Variants in BZW2 observed in about 807,000 individuals in gnomAD.
The protein encoded by BZW2 is eIF5-mimic protein 1.
Under a neutral mutation model 53.2 loss-of-function variants are expected in BZW2, and 23 were observed. The observed-to-expected ratio is 0.43, with a 90% CI of 0.31 to 0.61. BZW2 has a LOEUF of 0.61. BZW2 is among the 20% of genes least tolerant of loss of function. The pLI, the probability that BZW2 is intolerant of heterozygous loss-of-function variation, is 0.09. For missense variants in BZW2, 409 were observed against 503.1 expected, an observed-to-expected ratio of 0.81 and a Z score of 1.79; for synonymous variants, 227 against 186.4, an observed-to-expected ratio of 1.22 and a Z score of -1.77.
At chr7:16,684,380 G>A (rs10243614) in intron 5 of BZW2, among the ~76,000 whole-genome samples, 30,546 of 152,064 alleles carry the variant, frequency 0.2, 3,219 homozygotes, top group East Asian at 0.38. Flanking sequence ...GCTATCATTA[G>A]CATATAATGC....
chr7:16,684,128 T>C (rs1449582872), intron 5 of BZW2, among the ~76,000 whole-genome samples: 1 of 152,234 alleles, frequency 6.6e-6, no homozygotes, highest in Non-Finnish European at 1.5e-5. Flanking sequence ...TACAGTGGAA[T>C]ACTATGCAGT....
intron 3 of BZW2, among the ~76,000 whole-genome samples, chr7:16,680,039 T>C (rs1782890052): frequency 1.3e-5 from 2 of 152,244 alleles, no homozygotes; most frequent in South Asian, 4.1e-4. Flanking sequence ...AATAATTTCT[T>C]CTAGCCAACA....
intron 11 of BZW2, among the ~76,000 whole-genome samples, chr7:16,705,558 A>G (rs1293697064): frequency 1.3e-5 from 2 of 149,582 alleles, no homozygotes; most frequent in East Asian, 2.0e-4. Context: ...GGTGGTGGGC[A>G]CCTGTAGTCA....
chr7:16,684,948 G>A (rs1783068857), intron 5 of BZW2, among the ~76,000 whole-genome samples: 1 of 152,150 alleles, frequency 6.6e-6, no homozygotes, highest in African/African-American at 2.4e-5. Flanking sequence ...TGTCATCAGG[G>A]TGGAGACACT....
intron 7 of BZW2, among the ~76,000 whole-genome samples, chr7:16,693,800 A>G (rs1783393537): frequency 6.6e-6 from 1 of 152,186 alleles, no homozygotes; most frequent in Admixed American, 6.5e-5. Flanking sequence ...TGCTCCCACC[A>G]GCTCTCTTCT....
intron 1 of BZW2, among the ~76,000 whole-genome samples, chr7:16,652,024 A>G (rs528693169): frequency 1.1e-4 from 17 of 152,214 alleles, no homozygotes; most frequent in Non-Finnish European, 2.1e-4. Context: ...GAGTGGAGAC[A>G]GTGGATCAGG....
chr7:16,676,237 A>G (rs1041808308), intron 3 of BZW2, among the ~76,000 whole-genome samples: 5 of 152,170 alleles, frequency 3.3e-5, no homozygotes, highest in Admixed American at 3.3e-4. Context: ...AAAAGAATTA[A>G]AGCCAAACGG....
intron 1 of BZW2, among the ~76,000 whole-genome samples, chr7:16,653,042 G>A (rs1782026805): frequency 6.6e-6 from 1 of 152,074 alleles, no homozygotes; most frequent in East Asian, 1.9e-4. Context: ...CTTTGTGTGT[G>A]TGTGTGTGTG....
At chr7:16,705,684 C>CAAA (rs1180087983) in intron 11 of BZW2, among the ~76,000 whole-genome samples, 2 of 53,856 alleles carry the variant, frequency 3.7e-5, no homozygotes, top group African/African-American at 6.1e-5. Flanking sequence ...GACTCCATCT[C>CAAA]AAAAAAAAAA....
intron 1 of BZW2, 110 bp from the exon 2 acceptor site, chr7:16,665,327 A>G (rs940877003): frequency 1.6e-6 from 2 of 1,288,764 alleles, no homozygotes; most frequent in African/African-American, 3.0e-5. Context: ...AAAGAGGCAT[A>G]TTCAGTAATG....
At chr7:16,666,134 A>AC (rs915977872) in intron 2 of BZW2, among the ~76,000 whole-genome samples, 2 of 152,052 alleles carry the variant, frequency 1.3e-5, no homozygotes, top group African/African-American at 4.8e-5. Flanking sequence ...TTGCACTGTC[A>AC]CCCAGGTTGG....
intron 2 of BZW2, among the ~76,000 whole-genome samples, chr7:16,670,085 A>G (rs1782554629): frequency 6.6e-6 from 1 of 152,182 alleles, no homozygotes; most frequent in African/African-American, 2.4e-5. Flanking sequence ...TTTGATGGTC[A>G]CTTTGTTTTA....
chr7:16,694,916 T>C lies in BZW2; in HGVS notation c.734T>C (p.Phe245Ser). ...TDAGLKELSDFLRVQQSLGTR... is the reference protein window; with the variant it reads ...TDAGLKELSDSLRVQQSLGTR... ...GCAGGTCTTAAGGAGCTTTCCGACT[T>C]CCTCCGAGTCCAGCAGTCCCTGGGC... The change falls in exon 8 of 12, where the codon TTC (phenylalanine) becomes TCC (serine). Residue 245 changes from phenylalanine (F) to serine (S), a missense_variant. By Grantham distance (155) the Phe-to-Ser change is radical. This residue lies in a region of BZW2 where 316 missense variants were observed against 366.8 expected (regional missense o/e 0.86). Transcript: ENST00000258761. 1 of 1,596,804 alleles carries C rather than the reference T, an allele frequency of 6.3e-7. No individual in the cohort carries two copies.
In BZW2 at chr7:16,698,201, G is replaced by A. The variant is rs762278127; in HGVS notation, c.1108+15G>A. 1.2e-6 allele frequency: 2 copies of A among 1,613,938 alleles called. No homozygotes were observed. The highest frequency in any genetic ancestry group is 2.2e-5 in the South Asian group (2 of 91,042). On this transcript the variant is annotated intron_variant, in intron 10 of 11. Coordinates refer to ENST00000258761, the MANE Select transcript of BZW2 (RefSeq NM_014038.3). ...CTTTTATAAAGGTATCCATCCACGT[G>A]CCACTGCTGTGCTTCTGTGTTTTGC...
intron 10 of BZW2, 80 bp downstream of exon 10, chr7:16,698,266 G>C (rs1448173572): frequency 6.4e-7 from 1 of 1,551,984 alleles, no homozygotes; most frequent in East Asian, 2.2e-5. Flanking sequence ...TGAGGCAGAG[G>C]AGGTCATGGG....
intron 10 of BZW2, among the ~76,000 whole-genome samples, chr7:16,702,346 C>T (rs773967463): frequency 6.6e-6 from 1 of 151,748 alleles, no homozygotes; most frequent in African/African-American, 2.4e-5. Context: ...ATTAATAATT[C>T]TCTGGTACTA....
At chr7:16,705,156 A>C (rs1783798673) in intron 11 of BZW2, among the ~76,000 whole-genome samples, 1 of 152,018 alleles carries the variant, frequency 6.6e-6, no homozygotes, top group Non-Finnish European at 1.5e-5. Flanking sequence ...CAGGAGTTTG[A>C]GAGCAGGCTG....
chr7:16,681,478 C>A, intron 4 of BZW2, 74 bp downstream of exon 4: 1 of 1,212,922 alleles, frequency 8.2e-7, no homozygotes, highest in South Asian at 1.4e-5. Context: ...ACAGTCCACC[C>A]ACTTTTTAAA....
At chr7:16,662,883 T>G (rs1057484573) in intron 1 of BZW2, among the ~76,000 whole-genome samples, 2 of 152,182 alleles carry the variant, frequency 1.3e-5, no homozygotes, top group African/African-American at 4.8e-5. Context: ...TTGAGCTACA[T>G]TCTTTTTGCA....
Sources: allele counts gnomAD v4.1 joint callset (sites outside exome capture counted in the v4.1 genomes callset), GRCh38; gene constraint gnomAD v4.1.1; regional missense constraint gnomAD v4.1.1; transcripts MANE v1.5; gene names NCBI Gene and HGNC (gene_info 2026-07-23, HGNC 2026-07-21).